Variants in MERTK observed in about 807,000 individuals in gnomAD.
The protein encoded by MERTK is tyrosine-protein kinase Mer.
Under a neutral mutation model 99.3 loss-of-function variants are expected in MERTK, and 69 were observed. That is an observed-to-expected ratio of 0.70 (90% CI 0.57 to 0.85). The LOEUF is 0.85. Ranked by LOEUF, MERTK falls within the 40% of genes least tolerant of loss-of-function variation. MERTK has a pLI of 0.00. For synonymous variants in MERTK, 426 were observed against 467.6 expected (o/e 0.91, Z 1.15); for missense variants, 1,125 against 1,249.4 (o/e 0.90, Z 1.50).
At chr2:111,938,446 T>G (rs1239412950) in intron 2 of MERTK, among the ~76,000 whole-genome samples, 2 of 152,228 alleles carry the variant, frequency 1.3e-5, no homozygotes, top group Non-Finnish European at 2.9e-5. Flanking sequence ...TTTGTATTTC[T>G]TTTAAAAAGA....
intron 1 of MERTK, among the ~76,000 whole-genome samples, chr2:111,910,961 A>T (rs897815225): frequency 7.2e-5 from 11 of 152,188 alleles, no homozygotes; most frequent in African/African-American, 2.2e-4. Context: ...GTAATGTGTA[A>T]TGTGCTCCAT....
intron 4 of MERTK, among the ~76,000 whole-genome samples, chr2:111,952,982 A>C (rs536969300): frequency 6.6e-4 from 100 of 152,206 alleles, no homozygotes; most frequent in Non-Finnish European, 1.0e-3. Context: ...TTTCCATGAG[A>C]CCAGGGGGGC....
Position 112,003,115 on chromosome 2 carries a change from G to T in MERTK, c.1714G>T (p.Glu572Ter). 2 of 1,590,336 alleles carry T rather than the reference G, an allele frequency of 1.3e-6. No individual in the cohort carries two copies. Among genetic ancestry groups the T allele is most frequent in the Non-Finnish European group, 1.7e-6 (2 of 1,158,694 alleles). The change falls in exon 12 of 19, where the codon GAA (glutamate) becomes TAA (stop). Residue 572 changes from glutamate (E) to a stop codon, truncating the protein, a stop_gained. Coordinates refer to ENST00000295408, the MANE Select transcript of MERTK (RefSeq NM_006343.3). LOFTEE classifies it high-confidence loss of function. ...AGTACATAGCTTGGGAGTCAGTGAG[G>T]AACTACAAAATAAACTAGAAGATGT... ...LTLHSLGVSE[E>*]LQNKLEDVVI...
intron 4 of MERTK, among the ~76,000 whole-genome samples, chr2:111,963,628 A>G (rs1685299682): frequency 6.6e-6 from 1 of 152,212 alleles, no homozygotes; most frequent in African/African-American, 2.4e-5. Flanking sequence ...CCCTTAATCC[A>G]TTTAACCCTG....
intron 2 of MERTK, among the ~76,000 whole-genome samples, chr2:111,936,488 T>C (rs1166572444): frequency 1.3e-5 from 2 of 152,212 alleles, no homozygotes; most frequent in African/African-American, 2.4e-5. Flanking sequence ...AAATAACTGA[T>C]GTTCTGCTCC....
intron 15 of MERTK, among the ~76,000 whole-genome samples, chr2:112,017,632 C>CA (rs35461094): frequency 3.6e-4 from 52 of 146,140 alleles, no homozygotes; most frequent in East Asian, 8.2e-4. Flanking sequence ...GACTTCGTCT[C>CA]AAAAAAAAAA....
intron 1 of MERTK, among the ~76,000 whole-genome samples, chr2:111,928,778 G>A (rs929048606): frequency 4.6e-5 from 7 of 152,104 alleles, no homozygotes; most frequent in African/African-American, 1.2e-4. Flanking sequence ...GAGCCACCGC[G>A]CCTGGCCAAG....
chr2:111,995,077 T>G (rs1443602465), intron 9 of MERTK: 1 of 162,688 alleles, frequency 6.1e-6, no homozygotes, highest in Non-Finnish European at 1.4e-5. Flanking sequence ...GTTGCTTGTT[T>G]TGCTGTGTTT....
chr2:111,937,864 A>G (rs1238771166), intron 2 of MERTK, among the ~76,000 whole-genome samples: 2 of 151,952 alleles, frequency 1.3e-5, no homozygotes, highest in African/African-American at 2.4e-5. Flanking sequence ...GGGCGCTTAC[A>G]GTGGACCTAT....
At chr2:111,939,654 ATTTTTTTT>A (rs1184269274) in intron 2 of MERTK, among the ~76,000 whole-genome samples, 2 of 88,246 alleles carry the variant, frequency 2.3e-5, no homozygotes, top group Admixed American at 1.2e-4. Flanking sequence ...CTAATTTTTA[ATTTTTTTT>A]TTTTTTTTTT....
intron 8 of MERTK, among the ~76,000 whole-genome samples, chr2:111,989,102 C>T (rs576461061): frequency 6.6e-5 from 10 of 152,274 alleles, no homozygotes; most frequent in South Asian, 4.2e-4. Flanking sequence ...CCCCCCTACT[C>T]GTTCCCAGGC....
intron 7 of MERTK, among the ~76,000 whole-genome samples, chr2:111,977,863 C>T (rs990905965): frequency 6.6e-6 from 1 of 152,126 alleles, no homozygotes; most frequent in South Asian, 2.1e-4. Flanking sequence ...TATTTCATCT[C>T]ATACACCGTA....
chr2:111,979,431 C>T (rs1391137273), intron 7 of MERTK, among the ~76,000 whole-genome samples: 1 of 151,906 alleles, frequency 6.6e-6, no homozygotes, highest in African/African-American at 2.4e-5. Flanking sequence ...CTCTTTAATC[C>T]TGGTTCTGTG....
intron 1 of MERTK, among the ~76,000 whole-genome samples, chr2:111,905,593 G>T (rs963621455): frequency 1.3e-5 from 2 of 151,564 alleles, no homozygotes; most frequent in Non-Finnish European, 2.9e-5. Context: ...TCAGCCTCCC[G>T]AGTAGCTGGG....
Position 111,981,317 on chromosome 2 carries a change from AT to A in MERTK, c.1145-1520del, listed in dbSNP as rs1314282311. 3.9e-5 allele frequency among the ~76,000 whole-genome samples: 6 copies of A among 152,072 alleles called. No homozygotes were observed. In the South Asian group the frequency reaches 1.2e-3, roughly 31 times the overall value. Reference sequence around the variant, plus strand: ...GGATCTATATACTTTTTACAATCTGATTTTTCCCCCATTGGATTTTTTTATA... The same window carrying A: ...GGATCTATATACTTTTTACAATCTGATTTTCCCCCATTGGATTTTTTTATA... On this transcript the variant is annotated intron_variant, in intron 7 of 18. Coordinates refer to ENST00000295408, the MANE Select transcript of MERTK (RefSeq NM_006343.3).
intron 4 of MERTK, among the ~76,000 whole-genome samples, chr2:111,949,954 T>G (rs1685026257): frequency 6.6e-6 from 1 of 152,224 alleles, no homozygotes. Context: ...TATTTTTATT[T>G]TCAGAAGGAG....
chr2:111,909,101 A>G (rs1236621272), intron 1 of MERTK, among the ~76,000 whole-genome samples: 1 of 152,226 alleles, frequency 6.6e-6, no homozygotes, highest in Non-Finnish European at 1.5e-5. Flanking sequence ...TAGGATGGCT[A>G]TGTCAAAAAG....
At chr2:112,013,544 G>A (rs1227090592) in intron 15 of MERTK, 1 of 154,268 alleles carries the variant, frequency 6.5e-6, no homozygotes, top group African/African-American at 2.4e-5. Context: ...TGTAGCATAG[G>A]CCAGCCTGTA....
chr2:111,986,433 G>T (rs980007225), intron 8 of MERTK, among the ~76,000 whole-genome samples: 1 of 152,204 alleles, frequency 6.6e-6, no homozygotes, highest in Non-Finnish European at 1.5e-5. Flanking sequence ...GCAGAAAATA[G>T]TGATTACCAG....
Sources: gnomAD v4.1 joint callset for allele counts (sites outside exome capture counted in the v4.1 genomes callset) on GRCh38, gnomAD v4.1.1 for gene constraint, MANE v1.5 for transcripts, NCBI Gene and HGNC (gene_info 2026-07-23, HGNC 2026-07-21) for gene names.